Variants in PDGFA observed in about 807,000 individuals in gnomAD.
PDGFA encodes platelet derived growth factor subunit A.
Under a neutral mutation model 25.6 loss-of-function variants are expected in PDGFA, and 9 were observed. That is an observed-to-expected ratio of 0.35 (90% confidence interval 0.21 to 0.61). PDGFA has a LOEUF of 0.61. Among genes scored for constraint, PDGFA ranks in the 20% least tolerant of loss-of-function variants. The pLI is 0.75. For synonymous variants in PDGFA, 133 were observed against 111.8 expected (o/e 1.19, Z -1.20); for missense variants, 242 against 272.8 (o/e 0.89, Z 0.79).
rs1162560758 is a variant in PDGFA, at chr7:499,720, TCCC to T, written c.581-1149_581-1147del. Among the ~76,000 whole-genome samples the T allele has an allele frequency of 3.5e-4, 8 of 23,062 alleles. 2 individuals are homozygous for T. Among genetic ancestry groups the T allele is most frequent in the East Asian group, 6.9e-4 (1 of 1,442 alleles). 15.1% of individuals were successfully genotyped at this position (23,062 alleles called of 152,430 possible). ...CTCTCTAAGGGTGTTATTTTGCCCT[TCCC>T]CCCCCCCCCCGCTCACTCCTTCTTC... On this transcript the variant is annotated intron_variant, in intron 5 of 5. Coordinates refer to ENST00000402802, the Ensembl canonical transcript of PDGFA.
intron 4 of PDGFA, 131 bp downstream of exon 4, chr7:510,678 C>T: frequency 2.5e-6 from 1 of 406,436 alleles, no homozygotes; most frequent in Non-Finnish European, 4.3e-6. Flanking sequence ...ACCCTGGCTG[C>T]TTGGTAGGGG....
chr7:508,537 G>T (rs1449552227), intron 4 of PDGFA, among the ~76,000 whole-genome samples: 1 of 120,210 alleles, frequency 8.3e-6, no homozygotes, highest in African/African-American at 3.2e-5. Context: ...TCCAGCCTGG[G>T]CAACAGAGCA....
rs746617738 is a variant in PDGFA at position 512,504 on chromosome 7, G to A, written c.161-49C>T. On this transcript the variant is annotated intron_variant, in intron 2 of 5. Coordinates refer to ENST00000402802, the Ensembl canonical transcript of PDGFA. ...TGAATGCCCCAGGCCCGTGCGCTGT[G>A]CCCTGGGCCTGTCCAGCCGCACTTC... 1.9e-6 allele frequency: 3 copies of A among 1,611,780 alleles called. No homozygotes were observed. In the African/African-American group the frequency reaches 4.0e-5, roughly 22 times the overall value.
chr7:517,698 G>T lies in PDGFA; in HGVS notation c.64-208C>A, dbSNP rs1198159618. On this transcript the variant is annotated intron_variant, in intron 1 of 5. Coordinates refer to ENST00000402802, the Ensembl canonical transcript of PDGFA. This position sits in a 1 kb window ranked among gnomAD's most constrained non-coding sequence, Gnocchi z 7.4. ...GGAAGAGACCCCAAATTCTCCACCCGCATCCATGTTCCGCCCTTTGCAAAA... is the reference window on the plus strand; with the variant it reads ...GGAAGAGACCCCAAATTCTCCACCCTCATCCATGTTCCGCCCTTTGCAAAA... 6.6e-6 allele frequency among the ~76,000 whole-genome samples: 1 copy of T among 151,336 alleles called. No homozygotes were observed. Among genetic ancestry groups the T allele is most frequent in the African/African-American group, 2.4e-5 (1 of 41,140 alleles).
At chr7:506,931 C>T (rs760252514) in intron 4 of PDGFA, among the ~76,000 whole-genome samples, 3 of 152,192 alleles carry the variant, frequency 2.0e-5, no homozygotes, top group Non-Finnish European at 4.4e-5. Flanking sequence ...TGGGGGATGC[C>T]ATGCCCATCC....
exon 6 of PDGFA, chr7:498,122 C>T (rs1299678404): frequency 5.5e-6 from 1 of 183,248 alleles, no homozygotes; most frequent in Admixed American, 5.6e-5. Flanking sequence ...GCAGAGCCCA[C>T]CAGCACCCCT....
chr7:511,047 C>G, intron 3 of PDGFA, 51 bp from the exon 4 acceptor site: 1 of 1,484,414 alleles, frequency 6.7e-7, no homozygotes. Flanking sequence ...CGACCACGGC[C>G]CCACCCCAGG....
At chr7:512,902 G>A (rs752527960) in intron 2 of PDGFA, 9 of 258,060 alleles carry the variant, frequency 3.5e-5, no homozygotes, top group Middle Eastern at 1.6e-3. Context: ...GGGCTGGAGC[G>A]AGGGAGAAGC....
chr7:510,929 G>A (rs909652194), exon 4 of PDGFA: 1 of 1,612,656 alleles, frequency 6.2e-7, no homozygotes, highest in African/African-American at 1.3e-5. Context: ...CGGACGTGGG[G>A]TCGACCTGAC....
intron 2 of PDGFA, among the ~76,000 whole-genome samples, chr7:514,720 G>A (rs549227776): frequency 1.6e-4 from 25 of 152,320 alleles, no homozygotes; most frequent in African/African-American, 4.8e-4. Flanking sequence ...AATGAACCAC[G>A]GGCGCCAGGC....
At chr7:514,087 C>T (rs930807763) in intron 2 of PDGFA, among the ~76,000 whole-genome samples, 1 of 152,204 alleles carries the variant, frequency 6.6e-6, no homozygotes, top group Non-Finnish European at 1.5e-5. Context: ...GGAGAAAATT[C>T]AATAACACCA....
At chr7:505,367 C>T (rs540586829) in intron 4 of PDGFA, among the ~76,000 whole-genome samples, 1 of 152,310 alleles carries the variant, frequency 6.6e-6, no homozygotes, top group African/African-American at 2.4e-5. Context: ...TCGTAAGCCG[C>T]CCCACCTCAA....
rs1194595331 is a variant in PDGFA at position 500,654 on chromosome 7, G to A, written c.580+462C>T. On this transcript the variant is annotated intron_variant, in intron 5 of 5. Transcript: ENST00000402802. The surrounding 1 kb of genome is among the most constrained non-coding windows in gnomAD (Gnocchi z 5.0). Reference sequence around the variant, plus strand: ...ACTTCTGAGTCCCCTCATGCTCCCAGGGCCCAGCCATAGCAGGGCACAGAA... The same window carrying A: ...ACTTCTGAGTCCCCTCATGCTCCCAAGGCCCAGCCATAGCAGGGCACAGAA... 1.4e-6 allele frequency: 2 copies of A among 1,471,872 alleles called. No individual in the cohort carries two copies. The highest frequency in any genetic ancestry group is 1.4e-5 in the South Asian group (1 of 72,644). 91.2% of individuals were successfully genotyped at this position (1,471,872 alleles called of 1,614,324 possible). A position where few individuals can be genotyped will look rare whatever the true frequency, so the allele number is the denominator to read the frequency against.
chr7:504,028 GCA>G (rs1401316784), intron 4 of PDGFA, among the ~76,000 whole-genome samples: 1 of 152,146 alleles, frequency 6.6e-6, no homozygotes, highest in Non-Finnish European at 1.5e-5. Context: ...CGCAGGCCGT[GCA>G]CACACTTCCA....
exon 1 of PDGFA, chr7:519,035 G>A (rs1783242993): frequency 6.7e-7 from 1 of 1,500,242 alleles, no homozygotes; most frequent in Non-Finnish European, 8.9e-7. Context: ...CGGAGGAGAG[G>A]CGAGGCCGCG....
chr7:512,726 A>G, intron 2 of PDGFA: 1 of 1,273,176 alleles, frequency 7.9e-7, no homozygotes, highest in South Asian at 1.5e-5. Context: ...CCCGTGACGA[A>G]GCGCAGGGCC....
chr7:505,607 C>T (rs747178654), intron 4 of PDGFA, among the ~76,000 whole-genome samples: 4 of 152,176 alleles, frequency 2.6e-5, no homozygotes, highest in Non-Finnish European at 4.4e-5. Context: ...CTGACTGGAC[C>T]GCACGTGCCC....
intron 4 of PDGFA, among the ~76,000 whole-genome samples, chr7:507,883 T>A (rs1432516571): frequency 1.3e-5 from 2 of 151,936 alleles, no homozygotes; most frequent in African/African-American, 4.8e-5. Flanking sequence ...CTCCCCTCCT[T>A]CCCTGACCCC....
At chr7:520,140 C>T, upstream of PDGFA, 2 of 353,606 alleles carry the variant, frequency 5.7e-6, no homozygotes, top group Non-Finnish European at 5.7e-6. Context: ...TGCAATCCTG[C>T]GGCACCGGGT....
Sources: gnomAD v4.1 joint callset for allele counts (sites outside exome capture counted in the v4.1 genomes callset) on GRCh38, gnomAD v4.1.1 for gene constraint, Gnocchi (gnomAD v3.1) non-coding constraint, MANE v1.5 for transcripts, NCBI Gene and HGNC (gene_info 2026-07-23, HGNC 2026-07-21) for gene names.